RBM26: variants seen among roughly 807,000 people sequenced by gnomAD.
RBM26 encodes RNA-binding protein 26.
A neutral mutation model predicts 123.6 loss-of-function variants in RBM26; 30 were observed. The observed-to-expected ratio is 0.24, with a 90% CI of 0.18 to 0.33. RBM26 has a LOEUF of 0.33. Ranked by LOEUF, RBM26 falls within the 10% of genes least tolerant of loss-of-function variation. The pLI is 1.00. For missense variants in RBM26, 947 were observed against 1,203.6 expected, an observed-to-expected ratio of 0.79 and a Z score of 3.15; for synonymous variants, 400 against 404.4, an observed-to-expected ratio of 0.99 and a Z score of 0.13.
At chr13:79,334,177 A>G (rs1354636009) in intron 20 of RBM26, among the ~76,000 whole-genome samples, 167 bp downstream of exon 20, 3 of 152,228 alleles carry the variant, frequency 2.0e-5, no homozygotes, top group Non-Finnish European at 4.4e-5. Flanking sequence ...AGAATTGCTT[A>G]TAACTGCATT....
chr13:79,325,955 T>C (rs1034585446), intron 20 of RBM26, among the ~76,000 whole-genome samples: 4 of 152,174 alleles, frequency 2.6e-5, no homozygotes, highest in Admixed American at 2.0e-4. Flanking sequence ...ATACTTACCA[T>C]TGTGTTACAA....
At chr13:79,350,009 C>T (rs2072998038) in intron 14 of RBM26, among the ~76,000 whole-genome samples, 1 of 152,072 alleles carries the variant, frequency 6.6e-6, no homozygotes, top group African/African-American at 2.4e-5. Context: ...CCCTCTAAAT[C>T]TTTTAACTAG....
At chr13:79,345,198 T>A (rs1407167248) in intron 14 of RBM26, among the ~76,000 whole-genome samples, 1 of 152,014 alleles carries the variant, frequency 6.6e-6, no homozygotes, top group African/African-American at 2.4e-5. Flanking sequence ...TTTAACACAA[T>A]CATTTGCAAC....
chr13:79,392,548 TAATTA>T (rs1409645847), intron 1 of RBM26, among the ~76,000 whole-genome samples: 1 of 146,738 alleles, frequency 6.8e-6, no homozygotes, highest in Non-Finnish European at 1.5e-5. Flanking sequence ...TATATAAACA[TAATTA>T]ATATGTAAAA....
chr13:79,403,538 T>C (rs1393898492), intron 1 of RBM26, among the ~76,000 whole-genome samples: 1 of 152,242 alleles, frequency 6.6e-6, no homozygotes, highest in Non-Finnish European at 1.5e-5. Flanking sequence ...AAAACATTTA[T>C]AAGTTTTGTA....
chr13:79,348,612 T>C (rs1333164278), intron 14 of RBM26, among the ~76,000 whole-genome samples: 1 of 152,070 alleles, frequency 6.6e-6, no homozygotes, highest in Non-Finnish European at 1.5e-5. Context: ...AGAAATACAT[T>C]GGTTTAATGC....
At chr13:79,393,535 G>C (rs1352570616) in intron 1 of RBM26, among the ~76,000 whole-genome samples, 2 of 152,192 alleles carry the variant, frequency 1.3e-5, no homozygotes, top group African/African-American at 4.8e-5. Flanking sequence ...ACATACATCA[G>C]TTCCGCATGA....
exon 5 of RBM26, chr13:79,312,573 A>G (rs1478292832): frequency 6.6e-6 from 1 of 152,046 alleles, no homozygotes; most frequent in African/African-American, 2.4e-5. Context: ...TACATATTTT[A>G]GTATTAGAAA....
intron 18 of RBM26, 106 bp from the exon 19 acceptor site, chr13:79,337,408 A>G: frequency 8.0e-7 from 1 of 1,246,512 alleles, no homozygotes. Context: ...TTGACAATGT[A>G]TTCAAATGCC....
rs529753107 is a variant in RBM26 at position 79,372,647 on chromosome 13, T to C, written c.328-717A>G. Among the ~76,000 whole-genome samples, 7 of 148,138 alleles carry C rather than the reference T, an allele frequency of 4.7e-5. No homozygotes were observed. The South Asian group carries it at 1.5e-3, about 31-fold the overall frequency. ...CATCAAGGAATATAGGAGAATACAT[T>C]AGAACTCACCAAGTCATAAATACAT... On this transcript the variant is annotated intron_variant, in intron 3 of 21. Transcript: ENST00000438737.
At chr13:79,316,826 T>C (rs2138250516), downstream of RBM26, among the ~76,000 whole-genome samples, 1 of 151,916 alleles carries the variant, frequency 6.6e-6, no homozygotes, top group Admixed American at 6.6e-5. Flanking sequence ...CCTCAATTTT[T>C]TCCTGTAGGA....
In RBM26 at chr13:79,319,948, GCTT is replaced by G. The variant is rs2067490550; in HGVS notation, c.*670_*672del. 2 of 438,098 alleles carry G rather than the reference GCTT, an allele frequency of 4.6e-6. No individual in the cohort carries two copies. The highest frequency in any genetic ancestry group is 5.0e-6 in the Non-Finnish European group (2 of 396,114). 27.1% of individuals were successfully genotyped at this position (438,098 alleles called of 1,614,324 possible). A position where few individuals can be genotyped will look rare whatever the true frequency, so the allele number is the denominator to read the frequency against. ...TTTTAAATCAAGGAACATTGTCTTGGCTTTTTTTTTTTTTTTTTTTTTGTCATT... is the reference window on the plus strand; with the variant it reads ...TTTTAAATCAAGGAACATTGTCTTGGTTTTTTTTTTTTTTTTTTTGTCATT... On this transcript the variant is annotated 3_prime_UTR_variant, in exon 22 of 22. Coordinates refer to ENST00000438737, the MANE Select transcript of RBM26 (RefSeq NM_001366735.2).
At chr13:79,383,341 TAATAG>T (rs890119504) in intron 1 of RBM26, among the ~76,000 whole-genome samples, 26 of 152,280 alleles carry the variant, frequency 1.7e-4, no homozygotes, top group African/African-American at 5.8e-4. Flanking sequence ...CATATATTAG[TAATAG>T]AAAAGCATTT....
chr13:79,368,275 C>T (rs1466763227), intron 6 of RBM26, among the ~76,000 whole-genome samples: 1 of 152,222 alleles, frequency 6.6e-6, no homozygotes, highest in East Asian at 1.9e-4. Flanking sequence ...ATCCACCCAC[C>T]TCAACCTCCT....
intron 21 of RBM26, among the ~76,000 whole-genome samples, chr13:79,321,723 G>T (rs1038437860): frequency 9.2e-5 from 14 of 151,352 alleles, no homozygotes; most frequent in South Asian, 4.1e-4. Context: ...TTAGGGCCCA[G>T]TTCCACTATC....
intron 2 of RBM26, among the ~76,000 whole-genome samples, 180 bp downstream of exon 2, chr13:79,378,609 T>C (rs1206596218): frequency 1.3e-5 from 2 of 152,086 alleles, no homozygotes; most frequent in Non-Finnish European, 2.9e-5. Context: ...CCGGCTAATT[T>C]TTATATTTTA....
At chr13:79,333,607 C>G (rs924007251) in intron 20 of RBM26, among the ~76,000 whole-genome samples, 4 of 152,170 alleles carry the variant, frequency 2.6e-5, no homozygotes, top group African/African-American at 9.7e-5. Flanking sequence ...AAGGACAAAA[C>G]AGTGACACTG....
At chr13:79,386,301 T>C (rs1457926708) in intron 1 of RBM26, among the ~76,000 whole-genome samples, 5 of 151,594 alleles carry the variant, frequency 3.3e-5, no homozygotes, top group Non-Finnish European at 5.9e-5. Context: ...CACAGATACA[T>C]AGTTGGAAAA....
Position 79,347,362 on chromosome 13 carries a change from T to A in RBM26, c.2059-2568A>T, listed in dbSNP as rs560433319. ...ATAAGACACAGCCCAACGTCAGAGG[T>A]GTTAAAATGTAAAAATGTGACTTAT... On this transcript the variant is annotated intron_variant, in intron 14 of 21. Transcript: ENST00000438737. 2.2e-4 allele frequency among the ~76,000 whole-genome samples: 33 copies of A among 152,230 alleles called. 1 individual carries two copies. The East Asian group carries it at 6.2e-3, about 29-fold the overall frequency.
Sources: gnomAD v4.1 joint callset for allele counts (sites outside exome capture counted in the v4.1 genomes callset) on GRCh38, gnomAD v4.1.1 for gene constraint, MANE v1.5 for transcripts, NCBI Gene and HGNC (gene_info 2026-07-23, HGNC 2026-07-21) for gene names.